Variants in GNA15 observed in about 807,000 individuals in gnomAD.
GNA15 encodes the protein G protein subunit alpha 15.
Under a neutral mutation model 40.1 loss-of-function variants are expected in GNA15, and 23 were observed. The ratio of observed to expected loss-of-function variants is 0.57; its 90% CI spans 0.41 to 0.81. The LOEUF is 0.81. Among genes scored for constraint, GNA15 ranks in the 40% least tolerant of loss-of-function variants. GNA15 has a pLI of 0.00. For synonymous variants in GNA15, 226 were observed against 210.4 expected (o/e 1.07, Z -0.64); for missense variants, 522 against 515.8 (o/e 1.01, Z -0.12).
At chr19:3,149,810 G>A in intron 2 of GNA15, 1 of 248,124 alleles carries the variant, frequency 4.0e-6, no homozygotes. Flanking sequence ...GGGGGACTGT[G>A]AGTGCCGTGC....
chr19:3,161,540 C>T (rs1475247510), intron 6 of GNA15, among the ~76,000 whole-genome samples: 1 of 152,090 alleles, frequency 6.6e-6, no homozygotes, highest in Non-Finnish European at 1.5e-5. Flanking sequence ...GGGAGATAGA[C>T]GTCAAGTTGT....
At chr19:3,148,996 C>G (rs1333876068) in intron 2 of GNA15, 5 of 560,556 alleles carry the variant, frequency 8.9e-6, no homozygotes, top group Middle Eastern at 4.7e-4. Flanking sequence ...AATGCACACA[C>G]GCACATGTAT....
chr19:3,139,523 A>C lies in GNA15; in HGVS notation c.145+2928A>C, dbSNP rs572449975. 2.9e-3 allele frequency among the ~76,000 whole-genome samples: 412 copies of C among 141,850 alleles called. 3 individuals are homozygous for C. The highest frequency in any genetic ancestry group is 0.01 in the African/African-American group (393 of 38,364). 93.1% of individuals were successfully genotyped at this position (141,850 alleles called of 152,430 possible). A position where few individuals can be genotyped will look rare whatever the true frequency, so the allele number is the denominator to read the frequency against. ...GGTGAGAGGATCACTTGAGCCTGGG[A>C]GGTTGAGGCTGCAGTGAGCTATGAT... is the stretch of plus-strand genomic sequence containing the variant. On this transcript the variant is annotated intron_variant, in intron 1 of 6. Coordinates refer to ENST00000262958, the MANE Select transcript of GNA15 (RefSeq NM_002068.4).
intron 6 of GNA15, 27 bp downstream of exon 6, chr19:3,157,908 C>G (rs1389533583): frequency 5.1e-6 from 8 of 1,562,736 alleles, no homozygotes; most frequent in South Asian, 1.1e-5. Context: ...CTTTCTATAC[C>G]CTTCAACTCC....
chr19:3,160,156 A>C (rs1915110534), intron 6 of GNA15, among the ~76,000 whole-genome samples: 1 of 152,212 alleles, frequency 6.6e-6, no homozygotes, highest in Admixed American at 6.5e-5. Flanking sequence ...TCCATGTGAC[A>C]TCAGCTGGGC....
chr19:3,156,853 G>A (rs1310405481), intron 5 of GNA15, among the ~76,000 whole-genome samples: 1 of 152,120 alleles, frequency 6.6e-6, no homozygotes, highest in Non-Finnish European at 1.5e-5. Flanking sequence ...CCCTACTCCA[G>A]TACGACCTCA....
In GNA15 at chr19:3,151,594, C is replaced by T. The variant is rs1914881852; in HGVS notation, c.486-113C>T. On this transcript the variant is annotated intron_variant, in intron 3 of 6. Transcript: ENST00000262958. This position sits in a 1 kb window ranked among gnomAD's most constrained non-coding sequence, Gnocchi z 5.0. ...TCTGCCAACTCCAGGGACCCCACCT[C>T]CACCCAGGGAGCTCTCCTCCCCCAG... is the stretch of plus-strand genomic sequence containing the variant. 7.8e-7 allele frequency: 1 copy of T among 1,287,226 alleles called. No individual in the cohort carries two copies. The highest frequency in any genetic ancestry group is 1.0e-6 in the Non-Finnish European group (1 of 955,112). The allele number at this position is 1,287,226 out of a possible 1,614,324, so 79.7% of individuals were successfully genotyped here.
intron 6 of GNA15, among the ~76,000 whole-genome samples, chr19:3,158,307 G>A (rs570877075): frequency 7.2e-5 from 11 of 151,914 alleles, no homozygotes; most frequent in East Asian, 1.9e-4. Flanking sequence ...GCGCCACCAC[G>A]CCCAGCTAAT....
In GNA15 at chr19:3,136,241, C is replaced by A; in HGVS notation, c.-210C>A. The A allele has an allele frequency of 1.8e-6, 1 of 552,876 alleles. No homozygotes were observed. Among genetic ancestry groups the A allele is most frequent in the East Asian group, 3.2e-5 (1 of 31,322 alleles). 34.2% of individuals were successfully genotyped at this position (552,876 alleles called of 1,614,324 possible). ...CCTCCCGTCCCCACCCTGTTCCCAG[C>A]ACTCAAGCCTTGCCACCGCCGAGCC... On this transcript the variant is annotated 5_prime_UTR_variant, in exon 1 of 7. Transcript: ENST00000262958. This position sits in a 1 kb window ranked among gnomAD's most constrained non-coding sequence, Gnocchi z 4.9.
chr19:3,159,440 G>C (rs1449778650), intron 6 of GNA15, among the ~76,000 whole-genome samples: 2 of 148,764 alleles, frequency 1.3e-5, no homozygotes, highest in Non-Finnish European at 3.0e-5. Context: ...TCCGCCTCCC[G>C]GGTTCAAGGG....
rs114826966 is a variant in GNA15, at chr19:3,154,015, G to A, written c.615-1808G>A. 5.7e-3 allele frequency among the ~76,000 whole-genome samples: 866 copies of A among 151,580 alleles called. 6 individuals carry two copies. Among genetic ancestry groups the A allele is most frequent in the African/African-American group, 0.02 (814 of 41,258 alleles). On this transcript the variant is annotated intron_variant, in intron 4 of 6. Transcript: ENST00000262958. ...GGATGGATAGATGAGTAGATGAAGC[G>A]ATGGATGGATGGGTGGATTGAGTAA... is the stretch of plus-strand genomic sequence containing the variant.
intron 2 of GNA15, 53 bp downstream of exon 2, chr19:3,148,828 G>A: frequency 6.7e-7 from 1 of 1,500,860 alleles, no homozygotes; most frequent in Non-Finnish European, 8.9e-7. Context: ...CCAGGGCAGG[G>A]TTCCCCAGAC....
intron 1 of GNA15, among the ~76,000 whole-genome samples, chr19:3,145,356 T>C (rs1205598571): frequency 4.2e-4 from 16 of 37,682 alleles, no homozygotes; most frequent in African/African-American, 2.7e-3. Context: ...TATATATATA[T>C]ATATTTTTTT....
chr19:3,148,886 G>A, intron 2 of GNA15, 111 bp downstream of exon 2: 1 of 1,097,702 alleles, frequency 9.1e-7, no homozygotes. Flanking sequence ...GGCAGGGCAG[G>A]GCAGGGCAGG....
chr19:3,160,289 C>G (rs755466367), intron 6 of GNA15, among the ~76,000 whole-genome samples: 16 of 152,134 alleles, frequency 1.1e-4, no homozygotes, highest in Non-Finnish European at 1.9e-4. Flanking sequence ...CCCATCTCAT[C>G]TCTCTCTCCT....
chr19:3,159,049 G>T (rs1036333652), intron 6 of GNA15, among the ~76,000 whole-genome samples: 8 of 151,918 alleles, frequency 5.3e-5, no homozygotes, highest in African/African-American at 1.9e-4. Context: ...TTTTGAGACG[G>T]AGTCTCGCTC....
chr19:3,139,587 T>C (rs1914528985), intron 1 of GNA15, among the ~76,000 whole-genome samples: 1 of 101,852 alleles, frequency 9.8e-6, no homozygotes, highest in East Asian at 2.7e-4. Flanking sequence ...AGAGCAAAGC[T>C]GACTCTGTCT....
At chr19:3,137,915 C>T (rs558381713) in intron 1 of GNA15, among the ~76,000 whole-genome samples, 4 of 150,964 alleles carry the variant, frequency 2.6e-5, no homozygotes, top group Non-Finnish European at 5.9e-5. Context: ...GAGCTGAGAT[C>T]GGGCCACTGC....
intron 1 of GNA15, among the ~76,000 whole-genome samples, chr19:3,144,720 G>C (rs528992423): frequency 6.6e-6 from 1 of 151,316 alleles, no homozygotes; most frequent in African/African-American, 2.4e-5. Context: ...AGTAGAGACG[G>C]GGTTTCACCG....
Sources: allele counts gnomAD v4.1 joint callset (sites outside exome capture counted in the v4.1 genomes callset), GRCh38; gene constraint gnomAD v4.1.1; non-coding constraint Gnocchi (gnomAD v3.1); transcripts MANE v1.5; gene names NCBI Gene and HGNC (gene_info 2026-07-23, HGNC 2026-07-21).